Variants in GMDS observed in about 807,000 individuals in gnomAD.
GMDS encodes the protein GDP-mannose 4,6 dehydratase.
Under a neutral mutation model 49.9 loss-of-function variants are expected in GMDS, and 20 were observed. The ratio of observed to expected loss-of-function variants is 0.40; its 90% CI spans 0.28 to 0.58. The LOEUF is 0.58. GMDS is among the 20% of genes least tolerant of loss of function. The pLI is 0.42. For synonymous variants in GMDS, 177 were observed against 178.6 expected, an observed-to-expected ratio of 0.99 and a Z score of 0.07; for missense variants, 362 against 481.4, an observed-to-expected ratio of 0.75 and a Z score of 2.32.
intron 4 of GMDS, among the ~76,000 whole-genome samples, chr6:2,086,549 G>T (rs1332171872): frequency 6.6e-6 from 1 of 152,204 alleles, no homozygotes; most frequent in Non-Finnish European, 1.5e-5. Flanking sequence ...CAAAGCTGCC[G>T]TTCTGCAGCT....
rs140145798 is a variant in GMDS at position 1,862,207 on chromosome 6, G to A, written c.771+67896C>T. 4.6e-3 allele frequency among the ~76,000 whole-genome samples: 698 copies of A among 152,244 alleles called. 4 individuals carry two copies. Among genetic ancestry groups the A allele is most frequent in the African/African-American group, 0.016 (658 of 41,534 alleles). ...TCATAAACCAGACCAATAAAATAAC[G>A]TTGTTTGATGACTTAAGCTCATTTA... On this transcript the variant is annotated intron_variant, in intron 7 of 10. Coordinates refer to ENST00000380815, the MANE Select transcript of GMDS (RefSeq NM_001500.4).
intron 6 of GMDS, among the ~76,000 whole-genome samples, chr6:1,940,897 G>C (rs1399167543): frequency 1.3e-5 from 2 of 152,152 alleles, no homozygotes; most frequent in Non-Finnish European, 2.9e-5. Flanking sequence ...GTTGTGCTGT[G>C]CTTTGCAGTG....
At chr6:2,089,497 T>C (rs1773198490) in intron 4 of GMDS, among the ~76,000 whole-genome samples, 1 of 151,758 alleles carries the variant, frequency 6.6e-6, no homozygotes, top group African/African-American at 2.4e-5. Flanking sequence ...GGAGAATAGA[T>C]AATAAGAAAG....
intron 7 of GMDS, among the ~76,000 whole-genome samples, chr6:1,744,115 T>G (rs977701361): frequency 5.9e-5 from 9 of 152,328 alleles, no homozygotes; most frequent in Non-Finnish European, 8.8e-5. Context: ...TTCATTGGAA[T>G]TTGTAGAAAA....
intron 7 of GMDS, among the ~76,000 whole-genome samples, chr6:1,818,562 C>T (rs1330853247): frequency 6.8e-6 from 1 of 146,608 alleles, no homozygotes; most frequent in Non-Finnish European, 1.5e-5. Context: ...GAGCCGAGAT[C>T]GTGCCATTCC....
intron 4 of GMDS, among the ~76,000 whole-genome samples, chr6:1,992,390 C>T (rs1766003670): frequency 2.0e-5 from 3 of 152,180 alleles, no homozygotes; most frequent in Non-Finnish European, 4.4e-5. Flanking sequence ...CTTCTTCAGG[C>T]TAACCTCAGG....
At chr6:1,686,429 C>G (rs1764978546) in intron 9 of GMDS, among the ~76,000 whole-genome samples, 1 of 152,200 alleles carries the variant, frequency 6.6e-6, no homozygotes, top group African/African-American at 2.4e-5. Context: ...TGGGGGGAAG[C>G]TGATGAGTGA....
chr6:2,034,197 A>G (rs1483790558), intron 4 of GMDS, among the ~76,000 whole-genome samples: 6 of 152,218 alleles, frequency 3.9e-5, no homozygotes, highest in African/African-American at 1.4e-4. Flanking sequence ...ACGGACAGAC[A>G]GTAACTATTT....
intron 4 of GMDS, among the ~76,000 whole-genome samples, chr6:1,990,661 G>A (rs1171931542): frequency 2.6e-5 from 4 of 151,652 alleles, no homozygotes; most frequent in Non-Finnish European, 2.9e-5. Context: ...TCTAATCTCC[G>A]CCTCCCAGGC....
At chr6:2,067,764 C>T (rs1771707808) in intron 4 of GMDS, among the ~76,000 whole-genome samples, 1 of 149,290 alleles carries the variant, frequency 6.7e-6, no homozygotes, top group African/African-American at 2.4e-5. Flanking sequence ...GAAATTGTGG[C>T]AATAATCAAT....
chr6:2,000,988 G>A (rs1215232371), intron 4 of GMDS, among the ~76,000 whole-genome samples: 1 of 152,170 alleles, frequency 6.6e-6, no homozygotes, highest in Non-Finnish European at 1.5e-5. Context: ...GTGGACCTAT[G>A]CTTTCATTTC....
chr6:2,201,801 G>T (rs1779549552), intron 1 of GMDS, among the ~76,000 whole-genome samples: 1 of 135,982 alleles, frequency 7.4e-6, no homozygotes, highest in African/African-American at 2.8e-5. Flanking sequence ...AACCATCTAG[G>T]CAGTGAGGAC....
At chr6:1,674,194 G>A (rs1764522064) in intron 9 of GMDS, among the ~76,000 whole-genome samples, 1 of 152,056 alleles carries the variant, frequency 6.6e-6, no homozygotes. Context: ...TTTGATGTTA[G>A]TATTCTAATG....
At chr6:1,661,384 T>A (rs1426273210) in intron 9 of GMDS, among the ~76,000 whole-genome samples, 1 of 152,204 alleles carries the variant, frequency 6.6e-6, no homozygotes, top group Non-Finnish European at 1.5e-5. Flanking sequence ...GCTTTGCATC[T>A]TCAAAGCTCA....
intron 9 of GMDS, among the ~76,000 whole-genome samples, chr6:1,694,038 C>T (rs1765258953): frequency 6.6e-6 from 1 of 152,158 alleles, no homozygotes; most frequent in African/African-American, 2.4e-5. Context: ...TGTTTTTATT[C>T]ACTGCAGTTC....
chr6:1,636,091 C>T (rs867815995), intron 9 of GMDS, among the ~76,000 whole-genome samples: 3 of 152,204 alleles, frequency 2.0e-5, no homozygotes, highest in Non-Finnish European at 4.4e-5. Flanking sequence ...ATGAGATCCG[C>T]GTGCCACGAG....
At chr6:1,869,270 T>C (rs1285344123) in intron 7 of GMDS, among the ~76,000 whole-genome samples, 2 of 152,256 alleles carry the variant, frequency 1.3e-5, no homozygotes, top group African/African-American at 2.4e-5. Context: ...AGTCGTAGAT[T>C]GTTCCTTTCT....
chr6:1,648,510 C>T (rs1357596457), intron 9 of GMDS, among the ~76,000 whole-genome samples: 1 of 152,194 alleles, frequency 6.6e-6, no homozygotes. Context: ...CCTCACAATG[C>T]TACTGTAATT....
chr6:1,710,898 C>T (rs1765934979), intron 9 of GMDS, among the ~76,000 whole-genome samples: 1 of 152,118 alleles, frequency 6.6e-6, no homozygotes, highest in Admixed American at 6.5e-5. Flanking sequence ...GACTACATAT[C>T]GTCAGAAATT....
Sources: allele counts gnomAD v4.1 joint callset (sites outside exome capture counted in the v4.1 genomes callset), GRCh38; gene constraint gnomAD v4.1.1; transcripts MANE v1.5; gene names NCBI Gene and HGNC (gene_info 2026-07-23, HGNC 2026-07-21).